The following RASEF variants were observed in gnomAD, a reference collection of about 807,000 sequenced individuals.
The protein encoded by RASEF is ras and EF-hand domain-containing protein.
RASEF carries 68 observed loss-of-function variants against 90.1 expected under a neutral mutation model. The ratio of observed to expected loss-of-function variants is 0.75; its 90% CI spans 0.62 to 0.92. The LOEUF (loss-of-function observed/expected upper bound fraction) is 0.92. Ranked by LOEUF, RASEF falls within the 40% of genes least tolerant of loss-of-function variation. The pLI, the probability that RASEF is intolerant of heterozygous loss-of-function variation, is 0.00. For missense variants in RASEF, 949 were observed against 937.2 expected (o/e 1.01, Z -0.16); for synonymous variants, 331 against 345.2 (o/e 0.96, Z 0.46).
At chr9:83,202,916 A>G in the RASEF span, among the ~76,000 whole-genome samples, 1 of 152,246 alleles carries the variant, frequency 6.6e-6, no homozygotes, top group Non-Finnish European at 1.5e-5. Context: ...GTTGTACACC[A>G]TAATATATAT....
chr9:83,175,051 G>A, the RASEF span, among the ~76,000 whole-genome samples: 1 of 152,108 alleles, frequency 6.6e-6, no homozygotes, highest in African/African-American at 2.4e-5. Flanking sequence ...CAAAAAAACA[G>A]AGCATGTGAT....
At chr9:83,217,022 C>A in the RASEF span, among the ~76,000 whole-genome samples, 1 of 152,182 alleles carries the variant, frequency 6.6e-6, no homozygotes, top group Non-Finnish European at 1.5e-5. Context: ...GTTGTGGGAG[C>A]CCACTTCTTG....
the RASEF span, among the ~76,000 whole-genome samples, chr9:83,158,532 CCACACACACACATACA>C: frequency 7.4e-5 from 11 of 149,142 alleles, no homozygotes; most frequent in African/African-American, 2.5e-4. Flanking sequence ...GTCAAGCTTT[CCACACACACACATACA>C]CACACACATA....
rs11139907 is a variant in RASEF at position 83,055,420 on chromosome 9, A to G, written c.431+7017T>C. ...GCTTCGGCTCGCGCACGGTGCGCGC[A>G]CACACTGGCCTGCGCCCACTGTCTC... is the stretch of plus-strand genomic sequence containing the variant. On this transcript the variant is annotated intron_variant, in intron 1 of 16. Transcript: ENST00000376447. The G allele has an allele frequency of 1.9e-4, 113 of 597,782 alleles. 1 individual carries two copies. The East Asian group carries it at 2.6e-3, about 14-fold the overall frequency. 37.0% of individuals were successfully genotyped at this position (597,782 alleles called of 1,614,324 possible).
the RASEF span, among the ~76,000 whole-genome samples, chr9:83,086,079 G>A: frequency 1.3e-5 from 2 of 152,092 alleles, no homozygotes; most frequent in Non-Finnish European, 2.9e-5. Flanking sequence ...ACTTTCAGGT[G>A]GCTTTGGCAA....
the RASEF span, among the ~76,000 whole-genome samples, chr9:83,192,066 C>A: frequency 6.6e-6 from 1 of 151,910 alleles, no homozygotes; most frequent in African/African-American, 2.4e-5. Context: ...CAGATGCTGG[C>A]GAGATTGTGG....
the RASEF span, among the ~76,000 whole-genome samples, chr9:83,091,999 A>ATTTTTTTTTTTTTTTTT: frequency 1.2e-4 from 2 of 17,238 alleles, no homozygotes; most frequent in African/African-American, 2.4e-4. Context: ...TTTTTCTTTT[A>ATTTTTTTTTTTTTTTTT]TTTCTTTTTT....
chr9:83,044,508 T>C (rs191207594), intron 1 of RASEF, among the ~76,000 whole-genome samples: 2 of 148,222 alleles, frequency 1.3e-5, no homozygotes, highest in Non-Finnish European at 3.0e-5. Flanking sequence ...TCTTGGGAAA[T>C]AAAAAAAAAA....
chr9:83,039,681 C>T (rs190114769), intron 1 of RASEF, among the ~76,000 whole-genome samples: 22 of 152,318 alleles, frequency 1.4e-4, no homozygotes, highest in African/African-American at 4.3e-4. Flanking sequence ...CACGCACCAG[C>T]ATGCACCAGT....
chr9:83,098,348 C>T, the RASEF span, among the ~76,000 whole-genome samples: 1 of 152,004 alleles, frequency 6.6e-6, no homozygotes, highest in East Asian at 1.9e-4. Flanking sequence ...CAAAATATAC[C>T]AAACTGGAAG....
the RASEF span, among the ~76,000 whole-genome samples, chr9:83,152,727 GAC>G: frequency 1.8e-5 from 2 of 109,384 alleles, no homozygotes; most frequent in South Asian, 6.2e-4. Flanking sequence ...TGTGCGCACA[GAC>G]ACACATACAC....
At chr9:83,133,366 T>C in the RASEF span, among the ~76,000 whole-genome samples, 1 of 152,202 alleles carries the variant, frequency 6.6e-6, no homozygotes, top group Admixed American at 6.5e-5. Flanking sequence ...AAATAGTTCA[T>C]TTTTAAAATC....
rs1828590946 is a variant in RASEF at position 82,981,098 on chromosome 9, A to C, written c.*1579T>G. The stretch of plus-strand genomic sequence containing the variant: ...CTACATGGAATTGTTTCGATTCAAC[A>C]AAAATAAATGTTTTTAGCTTATACA... On this transcript the variant is annotated 3_prime_UTR_variant, in exon 17 of 17. Coordinates refer to ENST00000376447, the MANE Select transcript of RASEF (RefSeq NM_152573.4). The C allele has an allele frequency of 6.6e-6, 1 of 152,266 alleles. No individual in the cohort carries two copies. The highest frequency in any genetic ancestry group is 2.4e-5 in the African/African-American group (1 of 41,468). The allele number at this position is 152,266 out of a possible 1,614,324, so 9.4% of individuals were successfully genotyped here.
chr9:83,125,641 G>T, the RASEF span, among the ~76,000 whole-genome samples: 2 of 152,136 alleles, frequency 1.3e-5, no homozygotes, highest in African/African-American at 2.4e-5. Flanking sequence ...GTGGGGAATA[G>T]GTAAGCAAAC....
intron 15 of RASEF, among the ~76,000 whole-genome samples, chr9:82,990,774 G>A (rs1024187341): frequency 7.9e-5 from 12 of 152,144 alleles, no homozygotes; most frequent in South Asian, 4.1e-4. Context: ...CAAATATTCC[G>A]AGACAGATAA....
At chr9:83,144,326 G>GGAAAGAAAGAAAGAAAGAAA in the RASEF span, among the ~76,000 whole-genome samples, 2 of 39,486 alleles carry the variant, frequency 5.1e-5, no homozygotes, top group East Asian at 6.8e-4. Context: ...AAAGAAAGAA[G>GGAAAGAAAGAAAGAAAGAAA]GAAAGAAAGA....
intron 8 of RASEF, 56 bp downstream of exon 8, chr9:83,005,360 C>T (rs1829110078): frequency 3.9e-6 from 5 of 1,270,410 alleles, no homozygotes; most frequent in East Asian, 2.3e-5. Flanking sequence ...TTCATCAACA[C>T]CAAAATACTC....
chr9:83,215,693 G>C, the RASEF span, among the ~76,000 whole-genome samples: 1 of 152,224 alleles, frequency 6.6e-6, no homozygotes, highest in Non-Finnish European at 1.5e-5. Context: ...GTAGGGTGCT[G>C]CTGCAAAGGT....
chr9:83,141,072 G>A, the RASEF span, among the ~76,000 whole-genome samples: 1 of 151,578 alleles, frequency 6.6e-6, no homozygotes, highest in African/African-American at 2.4e-5. Flanking sequence ...GAACCTGGGA[G>A]GCGGAGGCTG....
Sources: allele counts gnomAD v4.1 joint callset (sites outside exome capture counted in the v4.1 genomes callset), GRCh38; gene constraint gnomAD v4.1.1; transcripts MANE v1.5; gene names NCBI Gene and HGNC (gene_info 2026-07-23, HGNC 2026-07-21).